CYLD: variants seen among roughly 807,000 people sequenced by gnomAD.
CYLD encodes the protein ubiquitin carboxyl-terminal hydrolase CYLD.
In CYLD, 26 loss-of-function variants were observed where a neutral mutation model predicts 104.5. The observed-to-expected ratio is 0.25, with a 90% CI of 0.18 to 0.35. The LOEUF (loss-of-function observed/expected upper bound fraction) is 0.35. CYLD is among the 10% of genes least tolerant of loss of function. The pLI is 1.00. For synonymous variants in CYLD, 385 were observed against 399.9 expected (o/e 0.96, Z 0.45); for missense variants, 703 against 1,136.1 (o/e 0.62, Z 5.48).
intron 12 of CYLD, chr16:50,786,391 C>G (rs1970820406): frequency 6.2e-6 from 1 of 160,320 alleles, no homozygotes; most frequent in Non-Finnish European, 1.4e-5. Context: ...TTGCAAACTT[C>G]AAGAAGAAGC....
rs540583866 is a variant in CYLD, at chr16:50,801,608, A to T, written c.*5100A>T. The T allele has an allele frequency of 3.4e-5, 8 of 233,604 alleles. No individual in the cohort carries two copies. Among genetic ancestry groups the T allele is most frequent in the Non-Finnish European group, 6.8e-5 (8 of 117,986 alleles). The allele number at this position is 233,604 out of a possible 1,614,324, so 14.5% of individuals were successfully genotyped here. A position where few individuals can be genotyped will look rare whatever the true frequency, so the allele number is the denominator to read the frequency against. The stretch of plus-strand genomic sequence containing the variant: ...AAAGTCTTAGCATCAGATCATAAAC[A>T]TTCATTAAAAGAACTCACATCCCAT... On this transcript the variant is annotated 3_prime_UTR_variant, in exon 19 of 19. Transcript: ENST00000427738.
At chr16:50,780,364 C>T (rs922845571) in intron 9 of CYLD, among the ~76,000 whole-genome samples, 3 of 152,166 alleles carry the variant, frequency 2.0e-5, no homozygotes, top group African/African-American at 7.2e-5. Context: ...CAGCCCCTTC[C>T]CCTGGTCAGT....
intron 14 of CYLD, among the ~76,000 whole-genome samples, chr16:50,790,426 C>G (rs1050403312): frequency 2.6e-5 from 4 of 152,170 alleles, no homozygotes; most frequent in Non-Finnish European, 5.9e-5. Context: ...TCTACTACTT[C>G]CTGGTTTCTT....
Position 50,796,544 on chromosome 16 carries a change from A to G in CYLD, c.*36A>G, listed in dbSNP as rs774909997. The G allele has an allele frequency of 6.2e-7, 1 of 1,602,460 alleles. No individual in the cohort carries two copies. The highest frequency in any genetic ancestry group is 8.5e-7 in the Non-Finnish European group (1 of 1,174,334). ...CGGGAAAGGCAAAGAAACTGAAGGC[A>G]GAGTCCTAACGTTGCATCTTATTCG... On this transcript the variant is annotated 3_prime_UTR_variant, in exon 19 of 19. Transcript: ENST00000427738.
chr16:50,751,922 A>G lies in CYLD; in HGVS notation c.807+16A>G, dbSNP rs747446180. On this transcript the variant is annotated intron_variant, in intron 4 of 18. Transcript: ENST00000427738. Reference sequence around the variant, plus strand: ...TGTGGACATGGTAAGAAAATTTTGGATTAAATATCTTTGTGATATATATAT... The same window carrying G: ...TGTGGACATGGTAAGAAAATTTTGGGTTAAATATCTTTGTGATATATATAT... 4.5e-6 allele frequency: 7 copies of G among 1,550,554 alleles called. No homozygotes were observed. The African/African-American group carries it at 9.6e-5, about 21-fold the overall frequency.
At chr16:50,744,648 A>G (rs1212238579) in intron 2 of CYLD, 1 of 152,350 alleles carries the variant, frequency 6.6e-6, no homozygotes, top group Non-Finnish European at 1.5e-5. Flanking sequence ...AATCAGAAAA[A>G]CACTGCATCT....
intron 12 of CYLD, chr16:50,785,786 T>A (rs561868767): frequency 1.4e-4 from 22 of 152,354 alleles, no homozygotes; most frequent in African/African-American, 5.3e-4. Context: ...CTGGTTTTAT[T>A]TGGTGCTGAA....
Position 50,768,124 on chromosome 16 carries a change from AT to A in CYLD, c.914-7033del, listed in dbSNP as rs201077557. ...AGTGAAGAGAAAGAAAAAGAATGAT[AT>A]TTTTTTTTCTTTTAAAGCTTGATTT... On this transcript the variant is annotated intron_variant, in intron 5 of 18. Transcript: ENST00000427738. Among the ~76,000 whole-genome samples, 262 of 151,270 alleles carry A rather than the reference AT, an allele frequency of 1.7e-3. 2 individuals are homozygous for A. Among genetic ancestry groups the A allele is most frequent in the South Asian group, 5.6e-3 (27 of 4,782 alleles).
At chr16:50,774,423 CTGAT>C (rs1470680322) in intron 5 of CYLD, among the ~76,000 whole-genome samples, 1 of 152,128 alleles carries the variant, frequency 6.6e-6, no homozygotes, top group Non-Finnish European at 1.5e-5. Flanking sequence ...ATTCATGCCT[CTGAT>C]AAAGTTTAAT....
chr16:50,801,000 C>T lies in CYLD; in HGVS notation c.*4492C>T, dbSNP rs964708302. 6.4e-5 allele frequency: 15 copies of T among 233,346 alleles called. No homozygotes were observed. The highest frequency in any genetic ancestry group is 1.1e-4 in the Admixed American group (2 of 17,780). The allele number at this position is 233,346 out of a possible 1,614,324, so 14.5% of individuals were successfully genotyped here. A position where few individuals can be genotyped will look rare whatever the true frequency, so the allele number is the denominator to read the frequency against. On this transcript the variant is annotated 3_prime_UTR_variant, in exon 19 of 19. Coordinates refer to ENST00000427738, the MANE Select transcript of CYLD (RefSeq NM_001378743.1). ...GGGCCTTATGAAGACCAGGATTCTGCGGGTGTCAGGGGATTGCCCCTCTTG... is the reference window on the plus strand; with the variant it reads ...GGGCCTTATGAAGACCAGGATTCTGTGGGTGTCAGGGGATTGCCCCTCTTG...
intron 5 of CYLD, among the ~76,000 whole-genome samples, chr16:50,764,822 G>C (rs952964080): frequency 6.6e-6 from 1 of 152,102 alleles, no homozygotes; most frequent in South Asian, 2.1e-4. Flanking sequence ...ACTTCCTACA[G>C]TGCACAGGGC....
Position 50,799,325 on chromosome 16 carries a change from G to A in CYLD, c.*2817G>A, listed in dbSNP as rs1387130884. The A allele has an allele frequency of 4.3e-6, 1 of 233,388 alleles. No individual in the cohort carries two copies. The highest frequency in any genetic ancestry group is 8.5e-6 in the Non-Finnish European group (1 of 118,044). 14.5% of individuals were successfully genotyped at this position (233,388 alleles called of 1,614,324 possible). A position where few individuals can be genotyped will look rare whatever the true frequency, so the allele number is the denominator to read the frequency against. ...TGTGTGTATATATGTATGTGGCGGA[G>A]AGGGAGAGAGTGGGGAAGGAGAGCA... On this transcript the variant is annotated 3_prime_UTR_variant, in exon 19 of 19. Transcript: ENST00000427738.
At chr16:50,758,742 G>A (rs1429411375) in intron 5 of CYLD, among the ~76,000 whole-genome samples, 1 of 152,170 alleles carries the variant, frequency 6.6e-6, no homozygotes, top group Non-Finnish European at 1.5e-5. Context: ...CAACTGGTAG[G>A]CTGGAGAGGC....
intron 9 of CYLD, 49 bp from the exon 10 acceptor site, chr16:50,781,197 T>G (rs1356116233): frequency 1.2e-6 from 2 of 1,606,680 alleles, no homozygotes; most frequent in Non-Finnish European, 1.7e-6. Flanking sequence ...CTTTGTATAC[T>G]ATCTCTGTAA....
At chr16:50,755,042 CATATATATGTATATATACATAT>C (rs1567426646) in intron 5 of CYLD, among the ~76,000 whole-genome samples, 1 of 22,860 alleles carries the variant, frequency 4.4e-5, no homozygotes, top group African/African-American at 2.6e-4. Context: ...TGTATATATA[CATATATATGTATATATACATAT>C]AGATATGTAT....
intron 2 of CYLD, among the ~76,000 whole-genome samples, chr16:50,743,964 G>C (rs1204886962): frequency 6.6e-6 from 1 of 152,148 alleles, no homozygotes; most frequent in East Asian, 1.9e-4. Flanking sequence ...CCTTAAACAG[G>C]AGGAGGAAAT....
chr16:50,794,116 C>A lies in CYLD; in HGVS notation c.2470-96C>A. ...CTAATTTTTGTATTTTTAACAGAGACAGGGTTTCACCATCTTGATCAGGCT... is the reference window on the plus strand; with the variant it reads ...CTAATTTTTGTATTTTTAACAGAGAAAGGGTTTCACCATCTTGATCAGGCT... On this transcript the variant is annotated intron_variant, in intron 17 of 18. Coordinates refer to ENST00000427738, the MANE Select transcript of CYLD (RefSeq NM_001378743.1). This position sits in a 1 kb window ranked among gnomAD's most constrained non-coding sequence, Gnocchi z 4.1. The A allele has an allele frequency of 1.7e-6, 2 of 1,151,488 alleles. No homozygotes were observed. Among genetic ancestry groups the A allele is most frequent in the Non-Finnish European group, 2.6e-6 (2 of 768,068 alleles). The allele number at this position is 1,151,488 out of a possible 1,614,324, so 71.3% of individuals were successfully genotyped here.
Position 50,779,697 on chromosome 16 carries a change from A to G in CYLD, c.1171A>G (p.Ile391Val), listed in dbSNP as rs1021976428. ...AGACCCTGCAAAATCTCTTACAGAG[A>G]TATCTACAGACTTTGACCGTTCTTC... The part of the protein sequence containing the change: ...AEDPAKSLTE[I>V]STDFDRSSPP... The change falls in exon 9 of 19, where the codon ATA becomes GTA. Residue 391 changes from isoleucine to valine, a missense_variant. By Grantham distance (29) the Ile-to-Val change is conservative (BLOSUM62 3). This residue lies in a region of CYLD where 183 missense variants were observed against 212.1 expected (regional missense o/e 0.86). Coordinates refer to ENST00000427738, the MANE Select transcript of CYLD (RefSeq NM_001378743.1). 3 of 1,613,986 alleles carry G rather than the reference A, an allele frequency of 1.9e-6. No homozygotes were observed. The highest frequency in any genetic ancestry group is 1.3e-5 in the African/African-American group (1 of 74,996).
intron 12 of CYLD, 188 bp from the exon 13 acceptor site, chr16:50,786,667 T>G (rs2151014540): frequency 4.1e-5 from 22 of 531,058 alleles, no homozygotes; most frequent in Middle Eastern, 5.2e-4. Flanking sequence ...GGCTGAGGCA[T>G]GAGAATCTCT....
Sources: allele counts gnomAD v4.1 joint callset (sites outside exome capture counted in the v4.1 genomes callset), GRCh38; gene constraint gnomAD v4.1.1; regional missense constraint gnomAD v4.1.1; non-coding constraint Gnocchi (gnomAD v3.1); transcripts MANE v1.5; gene names NCBI Gene and HGNC (gene_info 2026-07-23, HGNC 2026-07-21).